The following SNX1 variants were observed in gnomAD, a reference collection of about 807,000 sequenced individuals.
SNX1 encodes sorting nexin-1.
Under a neutral mutation model 71.8 loss-of-function variants are expected in SNX1, and 36 were observed. The observed-to-expected ratio is 0.50, with a 90% confidence interval of 0.38 to 0.66. The LOEUF (loss-of-function observed/expected upper bound fraction) is 0.66, where lower values mean the gene tolerates loss of function less well. Among genes scored for constraint, SNX1 ranks in the 30% least tolerant of loss-of-function variants. The probability of loss-of-function intolerance (pLI) is 0.00; values close to 1 mark genes in which losing one functional copy is unlikely to be tolerated. For synonymous variants in SNX1, 254 were observed against 240.7 expected (o/e 1.06, Z -0.51); for missense variants, 612 against 646.7 (o/e 0.95, Z 0.58).
intron 13 of SNX1, among the ~76,000 whole-genome samples, 158 bp from the exon 14 acceptor site, chr15:64,136,703 A>C (rs143851388): frequency 6.6e-6 from 1 of 152,136 alleles, no homozygotes; most frequent in Non-Finnish European, 1.5e-5. Context: ...AAGCCTTTCA[A>C]GGCCTTGGCA....
intron 1 of SNX1, among the ~76,000 whole-genome samples, chr15:64,108,817 G>A (rs188213315): frequency 1.3e-4 from 19 of 151,782 alleles, no homozygotes; most frequent in Non-Finnish European, 1.9e-4. Context: ...ATGAAACGCC[G>A]TCTCCACTAA....
At chr15:64,133,270 A>G (rs1017324159) in intron 11 of SNX1, among the ~76,000 whole-genome samples, 2 of 152,218 alleles carry the variant, frequency 1.3e-5, no homozygotes, top group Non-Finnish European at 2.9e-5. Flanking sequence ...GCTTGAGTCT[A>G]ACTAACTCAG....
At chr15:64,136,770 CTG>C (rs2081364068) in intron 13 of SNX1, 89 bp from the exon 14 acceptor site, 2 of 905,982 alleles carry the variant, frequency 2.2e-6, no homozygotes, top group African/African-American at 3.3e-5. Context: ...CTTTCTGAGA[CTG>C]TGTTTGGCCT....
In SNX1 at chr15:64,138,410, C is replaced by A; in HGVS notation, c.*792C>A. 1 of 499,516 alleles carries A rather than the reference C, an allele frequency of 2.0e-6. No individual in the cohort carries two copies. The highest frequency in any genetic ancestry group is 3.5e-6 in the Non-Finnish European group (1 of 289,834). 30.9% of individuals were successfully genotyped at this position (499,516 alleles called of 1,614,324 possible). ...CTGCTTCCCTAAGCTGCTCAGGGTT[C>A]TCTGAGTCTTGCCCTCTGATGGCAA... On this transcript the variant is annotated 3_prime_UTR_variant, in exon 15 of 15. Coordinates refer to ENST00000559844, the MANE Select transcript of SNX1 (RefSeq NM_003099.5).
intron 12 of SNX1, among the ~76,000 whole-genome samples, chr15:64,135,829 C>T (rs541958040): frequency 2.1e-4 from 31 of 151,100 alleles, no homozygotes; most frequent in African/African-American, 5.6e-4. Flanking sequence ...GGCTGAGGCA[C>T]GAGAACCGCT....
chr15:64,108,754 G>A (rs1375543741), intron 1 of SNX1, among the ~76,000 whole-genome samples: 1 of 150,600 alleles, frequency 6.6e-6, no homozygotes, highest in Non-Finnish European at 1.5e-5. Context: ...TTGGGAGGCT[G>A]AGGTGGACAG....
chr15:64,132,040 C>G lies in SNX1; in HGVS notation c.1221+148C>G, dbSNP rs1596004947. On this transcript the variant is annotated intron_variant, in intron 11 of 14. Transcript: ENST00000559844. ...TTAAGAGGAAAGGTATCCTGTAAAC[C>G]AAGCAATCTATTCACCTGTTAGCTA... 5 of 753,104 alleles carry G rather than the reference C, an allele frequency of 6.6e-6. No individual in the cohort carries two copies. In the East Asian group the frequency reaches 1.1e-4, roughly 16 times the overall value. The allele number at this position is 753,104 out of a possible 1,614,324, so 46.7% of individuals were successfully genotyped here. A position where few individuals can be genotyped will look rare whatever the true frequency, so the allele number is the denominator to read the frequency against.
chr15:64,108,600 A>G (rs1017693905), intron 1 of SNX1, among the ~76,000 whole-genome samples: 6 of 152,196 alleles, frequency 3.9e-5, no homozygotes, highest in African/African-American at 1.4e-4. Flanking sequence ...TAATGTTATT[A>G]TGCCTCAAAG....
At position 64,142,528 on chromosome 15, in the gene SNX1, A is replaced by T. The variant is rs1049197844; in HGVS notation, c.*4910A>T. Reference sequence around the variant, plus strand: ...GAGCACAGGAAGGGGACCTGTGTTCAGAGGGTGCCTCACTGCTGAGGCCAC... The same window carrying T: ...GAGCACAGGAAGGGGACCTGTGTTCTGAGGGTGCCTCACTGCTGAGGCCAC... On this transcript the variant is annotated 3_prime_UTR_variant, in exon 15 of 15. Transcript: ENST00000559844. 1 of 421,904 alleles carries T rather than the reference A, an allele frequency of 2.4e-6. No homozygotes were observed. 26.1% of individuals were successfully genotyped at this position (421,904 alleles called of 1,614,324 possible).
At chr15:64,112,105 G>C (rs116462166) in intron 1 of SNX1, among the ~76,000 whole-genome samples, 88 of 152,336 alleles carry the variant, frequency 5.8e-4, no homozygotes, top group African/African-American at 2.0e-3. Context: ...TTGCGTGTCA[G>C]ATGGGTCAGT....
At chr15:64,121,039 A>G (rs2081191922) in intron 4 of SNX1, among the ~76,000 whole-genome samples, 1 of 152,180 alleles carries the variant, frequency 6.6e-6, no homozygotes, top group Admixed American at 6.5e-5. Flanking sequence ...ACTTTGGATT[A>G]TATGTCTAGA....
intron 8 of SNX1, among the ~76,000 whole-genome samples, chr15:64,128,061 A>G (rs558619241): frequency 1.3e-5 from 2 of 152,340 alleles, no homozygotes; most frequent in Non-Finnish European, 2.9e-5. Context: ...ACAGTGATCT[A>G]TTTGGCAGGT....
chr15:64,113,508 G>A (rs2081098441), intron 2 of SNX1, among the ~76,000 whole-genome samples: 1 of 152,088 alleles, frequency 6.6e-6, no homozygotes, highest in African/African-American at 2.4e-5. Flanking sequence ...TAGTGCTATT[G>A]TTGAAAAAAC....
chr15:64,127,395 C>A, intron 7 of SNX1, 143 bp downstream of exon 7: 1 of 684,390 alleles, frequency 1.5e-6, no homozygotes, highest in Non-Finnish European at 2.5e-6. Context: ...TATCTCTTAA[C>A]TTTTCCTGAG....
intron 2 of SNX1, among the ~76,000 whole-genome samples, chr15:64,113,899 A>G (rs1291912185): frequency 6.6e-6 from 1 of 152,156 alleles, no homozygotes; most frequent in African/African-American, 2.4e-5. Context: ...ATGCAGGAGA[A>G]AAGGAAAAAG....
intron 1 of SNX1, among the ~76,000 whole-genome samples, chr15:64,109,454 A>G (rs941180213): frequency 7.2e-5 from 11 of 152,214 alleles, no homozygotes; most frequent in African/African-American, 2.4e-4. Context: ...CAGCAAATGA[A>G]TGGAAAGAAA....
At chr15:64,136,110 C>G (rs577299923) in intron 12 of SNX1, among the ~76,000 whole-genome samples, 2 of 152,312 alleles carry the variant, frequency 1.3e-5, no homozygotes, top group East Asian at 3.9e-4. Context: ...GTCCCAGATG[C>G]CTGAAACACA....
Position 64,095,984 on chromosome 15 carries a change from T to G in SNX1, c.-30T>G. 1 of 1,589,294 alleles carries G rather than the reference T, an allele frequency of 6.3e-7. No homozygotes were observed. Among genetic ancestry groups the G allele is most frequent in the Non-Finnish European group, 8.5e-7 (1 of 1,171,776 alleles). ...CGGCGCTATCTCTCGATAAAGTTGT[T>G]GTTGCGGCTTCCGCCGCGGGTGGAA... is the stretch of plus-strand genomic sequence containing the variant. On this transcript the variant is annotated 5_prime_UTR_variant, in exon 1 of 15. Transcript: ENST00000559844.
Position 64,129,766 on chromosome 15 carries a change from G to A in SNX1, c.808-150G>A, listed in dbSNP as rs2140156323. 1 of 608,092 alleles carries A rather than the reference G, an allele frequency of 1.6e-6. No individual in the cohort carries two copies. The highest frequency in any genetic ancestry group is 2.0e-5 in the South Asian group (1 of 49,850). The allele number at this position is 608,092 out of a possible 1,614,324, so 37.7% of individuals were successfully genotyped here. A position where few individuals can be genotyped will look rare whatever the true frequency, so the allele number is the denominator to read the frequency against. ...ATTTTTCTGTATGGACATGTTAGTT[G>A]TGGATTCCTCAGACTGCCTTTGAAA... On this transcript the variant is annotated intron_variant, in intron 8 of 14. Transcript: ENST00000559844. This position sits in a 1 kb window ranked among gnomAD's most constrained non-coding sequence, Gnocchi z 4.4.
Sources: gnomAD v4.1 joint callset for allele counts (sites outside exome capture counted in the v4.1 genomes callset) on GRCh38, gnomAD v4.1.1 for gene constraint, Gnocchi (gnomAD v3.1) non-coding constraint, MANE v1.5 for transcripts, NCBI Gene and HGNC (gene_info 2026-07-23, HGNC 2026-07-21) for gene names.